The following GABRA3 variants were observed in gnomAD, a reference collection of about 807,000 sequenced individuals.
GABRA3 encodes gamma-aminobutyric acid type A receptor subunit alpha3.
Under a neutral mutation model 30.1 loss-of-function variants are expected in GABRA3, and 10 were observed. The observed-to-expected ratio is 0.33, with a 90% CI of 0.20 to 0.56. The LOEUF (loss-of-function observed/expected upper bound fraction) is 0.56. GABRA3 is among the 20% of genes least tolerant of loss of function. The pLI is 0.89. For missense variants in GABRA3, 233 were observed against 392.0 expected (o/e 0.59, Z 3.42); for synonymous variants, 151 against 146.8 (o/e 1.03, Z -0.21).
intron 1 of GABRA3, among the ~76,000 whole-genome samples, chrX:152,378,824 T>C (rs763329889): frequency 2.2e-5 from 2 of 92,839 alleles, no homozygotes; most frequent in South Asian, 9.7e-4. Context: ...ATATATGTTA[T>C]GTAATTATTA....
chrX:152,418,133 C>T (rs1015147501), intron 1 of GABRA3, among the ~76,000 whole-genome samples: 1 of 110,810 alleles, frequency 9.0e-6, no homozygotes, highest in African/African-American at 3.3e-5. Flanking sequence ...TAGTACCGGC[C>T]ATCAGATACC....
intron 7 of GABRA3, among the ~76,000 whole-genome samples, chrX:152,199,358 C>G (rs1439414138): frequency 1.9e-5 from 2 of 104,554 alleles, no homozygotes; most frequent in Non-Finnish European, 3.9e-5. Flanking sequence ...AGGCGAGACT[C>G]TGTCTCAAAA....
At chrX:152,329,787 G>A (rs993091565) in intron 3 of GABRA3, among the ~76,000 whole-genome samples, 3 of 111,703 alleles carry the variant, frequency 2.7e-5, no homozygotes, top group African/African-American at 9.8e-5. Flanking sequence ...ACAGGCATGG[G>A]CAAGGACTTG....
intron 6 of GABRA3, among the ~76,000 whole-genome samples, chrX:152,217,986 A>AT (rs1173378398): frequency 3.8e-5 from 4 of 106,112 alleles, no homozygotes; most frequent in Non-Finnish European, 7.8e-5. Flanking sequence ...AATATTTATT[A>AT]TTTTTTCCTT....
At chrX:152,430,247 G>A (rs5969896) in intron 1 of GABRA3, among the ~76,000 whole-genome samples, 19,759 of 111,114 alleles carry the variant, frequency 0.18, 1,334 homozygotes, top group East Asian at 0.37. Context: ...ACAGAAAAAT[G>A]AACTCAGCAA....
At chrX:152,235,271 T>C (rs1206841784) in intron 5 of GABRA3, among the ~76,000 whole-genome samples, 1 of 111,877 alleles carries the variant, frequency 8.9e-6, no homozygotes, top group Non-Finnish European at 1.9e-5. Flanking sequence ...TGATCATTAC[T>C]AGTATATGGA....
At chrX:152,312,054 A>T (rs1939806040) in intron 3 of GABRA3, among the ~76,000 whole-genome samples, 1 of 111,957 alleles carries the variant, frequency 8.9e-6, no homozygotes, top group Non-Finnish European at 1.9e-5. Context: ...CTGCTCTAAG[A>T]AATCAGAGAT....
intron 6 of GABRA3, among the ~76,000 whole-genome samples, chrX:152,212,286 A>C (rs1443528166): frequency 4.9e-4 from 2 of 4,091 alleles, no homozygotes; most frequent in Non-Finnish European, 3.6e-3. Flanking sequence ...CTTTGTCTCA[A>C]AAAAAAAAAA....
chrX:152,320,360 G>A (rs188313099), intron 3 of GABRA3, among the ~76,000 whole-genome samples: 343 of 111,711 alleles, frequency 3.1e-3, no homozygotes, highest in African/African-American at 9.9e-3. Context: ...AGAAATTGTC[G>A]TATATACATA....
intron 1 of GABRA3, among the ~76,000 whole-genome samples, chrX:152,392,659 G>A (rs1225653685): frequency 8.9e-6 from 1 of 111,766 alleles, no homozygotes; most frequent in Non-Finnish European, 1.9e-5. Flanking sequence ...TTCAAATGTA[G>A]GTGGCAAAGG....
At chrX:152,406,571 A>AATATATATAT (rs61577907) in intron 1 of GABRA3, among the ~76,000 whole-genome samples, 32 of 95,568 alleles carry the variant, frequency 3.3e-4, no homozygotes, top group South Asian at 2.0e-3. Flanking sequence ...CTAACACTGG[A>AATATATATAT]ATATATATAT....
intron 2 of GABRA3, among the ~76,000 whole-genome samples, chrX:152,360,739 T>TA (rs200599146): frequency 2.3e-4 from 13 of 56,014 alleles, no homozygotes; most frequent in East Asian, 1.7e-3. Flanking sequence ...AAAAAAAAAT[T>TA]AAAAAAAAAA....
rs185797193 is a variant in GABRA3 at position 152,289,056 on chromosome X, G to C, written c.263-4321C>G. Among the ~76,000 whole-genome samples the C allele has an allele frequency of 3.6e-3, 396 of 108,875 alleles. 2 individuals are homozygous for C. The highest frequency in any genetic ancestry group is 6.0e-3 in the Non-Finnish European group (318 of 52,716). The allele number at this position is 108,875 out of a possible 115,157, so 94.5% of individuals were successfully genotyped here. On this transcript the variant is annotated intron_variant, in intron 3 of 9. Coordinates refer to ENST00000370314, the MANE Select transcript of GABRA3 (RefSeq NM_000808.4). ...TTAAACCTCAATAGGACTCCCATTG[G>C]TAGGGAACTCATTTGCCAGACCCTA...
chrX:152,241,921 A>G (rs1938384606), intron 5 of GABRA3, among the ~76,000 whole-genome samples: 1 of 111,540 alleles, frequency 9.0e-6, no homozygotes, highest in Admixed American at 9.4e-5. Context: ...CCCTAGTTAG[A>G]TAAACCCGGT....
At chrX:152,293,050 G>C (rs1231063504) in intron 3 of GABRA3, among the ~76,000 whole-genome samples, 1 of 111,432 alleles carries the variant, frequency 9.0e-6, no homozygotes. Flanking sequence ...GGAGAGTTCT[G>C]TAGATGTCTA....
intron 9 of GABRA3, among the ~76,000 whole-genome samples, chrX:152,179,596 G>A (rs113161951): frequency 1.9e-3 from 201 of 107,519 alleles, no homozygotes; most frequent in African/African-American, 6.2e-3. Context: ...CCGGGTTCAC[G>A]CCATTCTCCT....
chrX:152,211,132 A>G (rs2124368769), intron 6 of GABRA3, among the ~76,000 whole-genome samples: 1 of 110,698 alleles, frequency 9.0e-6, no homozygotes, highest in Admixed American at 9.7e-5. Flanking sequence ...AGATAGTGCC[A>G]TGTTCTATCC....
At chrX:152,244,951 A>T (rs1359256575) in intron 5 of GABRA3, among the ~76,000 whole-genome samples, 2 of 111,901 alleles carry the variant, frequency 1.8e-5, no homozygotes, top group Non-Finnish European at 3.8e-5. Flanking sequence ...TTATTTTTTA[A>T]ATAAGGGCAT....
At chrX:152,197,586 C>T (rs1042066026) in intron 8 of GABRA3, 47 bp downstream of exon 8, 4 of 1,120,569 alleles carry the variant, frequency 3.6e-6, no homozygotes, top group African/African-American at 1.8e-5. Flanking sequence ...TCCACTGTGA[C>T]TCTGCATGAT....
Sources: gnomAD v4.1 joint callset for allele counts (sites outside exome capture counted in the v4.1 genomes callset) on GRCh38, gnomAD v4.1.1 for gene constraint, MANE v1.5 for transcripts, NCBI Gene and HGNC (gene_info 2026-07-23, HGNC 2026-07-21) for gene names.